PRKDC: variants seen among roughly 807,000 people sequenced by gnomAD.
PRKDC encodes DNA-dependent protein kinase catalytic subunit.
In PRKDC, 82 loss-of-function variants were observed where a neutral mutation model predicts 486.9. The ratio of observed to expected loss-of-function variants is 0.17; its 90% CI spans 0.14 to 0.20. The LOEUF (loss-of-function observed/expected upper bound fraction) is 0.20, where lower values mean the gene tolerates loss of function less well. Ranked by LOEUF, PRKDC falls within the 10% of genes least tolerant of loss-of-function variation. The pLI is 1.00. For synonymous variants in PRKDC, 1,895 were observed against 1,837.0 expected (o/e 1.03, Z -0.81); for missense variants, 4,504 against 5,038.2 (o/e 0.89, Z 3.21).
chr8:47,805,434 G>A (rs1446195383), intron 69 of PRKDC, among the ~76,000 whole-genome samples: 1 of 152,160 alleles, frequency 6.6e-6, no homozygotes, highest in African/African-American at 2.4e-5. Flanking sequence ...ATCTTCTTTG[G>A]ATAAATGTCT....
At chr8:47,832,518 G>T (rs2087909800) in intron 59 of PRKDC, among the ~76,000 whole-genome samples, 1 of 152,202 alleles carries the variant, frequency 6.6e-6, no homozygotes, top group Admixed American at 6.5e-5. Flanking sequence ...AAAGAGAAGA[G>T]TAGGAACTGA....
intron 1 of PRKDC, 122 bp downstream of exon 1, chr8:47,959,851 G>C (rs903353038): frequency 1.4e-6 from 2 of 1,432,740 alleles, no homozygotes; most frequent in African/African-American, 1.4e-5. Flanking sequence ...ATTCCCCCAA[G>C]AATCTAATTG....
chr8:47,825,761 G>A lies in PRKDC; in HGVS notation c.8783+895C>T, dbSNP rs150774652. On this transcript the variant is annotated intron_variant, in intron 63 of 85. Coordinates refer to ENST00000314191, the MANE Select transcript of PRKDC (RefSeq NM_006904.7). ...CACATCTGAAGCAACAGGAGAAAAC[G>A]GTTCCTAGGTAAAATCAGCATAGCT... Among the ~76,000 whole-genome samples the A allele has an allele frequency of 3.0e-3, 455 of 152,212 alleles. 2 individuals carry two copies. Among genetic ancestry groups the A allele is most frequent in the African/African-American group, 0.01 (428 of 41,540 alleles).
intron 29 of PRKDC, 42 bp downstream of exon 29, chr8:47,898,428 T>A (rs775413036): frequency 6.8e-7 from 1 of 1,461,140 alleles, no homozygotes; most frequent in African/African-American, 1.4e-5. Flanking sequence ...GAATTAGTTT[T>A]ATGTTGTGGG....
intron 11 of PRKDC, among the ~76,000 whole-genome samples, chr8:47,938,081 TC>T (rs1392824841): frequency 6.6e-6 from 1 of 151,912 alleles, no homozygotes; most frequent in African/African-American, 2.4e-5. Flanking sequence ...ACCACTACAC[TC>T]CAGCCTGAGA....
chr8:47,857,395 C>G, intron 48 of PRKDC, 96 bp from the exon 49 acceptor site: 2 of 1,364,968 alleles, frequency 1.5e-6, no homozygotes, highest in South Asian at 1.6e-5. Context: ...AAATTTTATA[C>G]TATGACTGGA....
chr8:47,887,199 C>A (rs1419296731), intron 35 of PRKDC, among the ~76,000 whole-genome samples: 2 of 152,138 alleles, frequency 1.3e-5, no homozygotes, highest in East Asian at 3.9e-4. Context: ...GATTATCCTT[C>A]AGAGGCCCTC....
intron 54 of PRKDC, among the ~76,000 whole-genome samples, chr8:47,846,499 T>G (rs1327580544): frequency 1.3e-5 from 2 of 151,518 alleles, no homozygotes; most frequent in Non-Finnish European, 2.9e-5. Context: ...CAAAGGAATA[T>G]TCCTCAAAAT....
At chr8:47,843,692 G>A (rs2088203267) in intron 54 of PRKDC, among the ~76,000 whole-genome samples, 1 of 152,140 alleles carries the variant, frequency 6.6e-6, no homozygotes, top group South Asian at 2.1e-4. Flanking sequence ...GGCTACCAGC[G>A]GGCCTCTCAG....
chr8:47,897,057 C>G, intron 30 of PRKDC, 104 bp downstream of exon 30: 2 of 1,230,830 alleles, frequency 1.6e-6, no homozygotes, highest in Non-Finnish European at 2.2e-6. Context: ...TAACTGAATA[C>G]CATGTTAACT....
chr8:47,794,236 A>G, intron 74 of PRKDC, 54 bp downstream of exon 74: 1 of 1,458,838 alleles, frequency 6.9e-7, no homozygotes, highest in Non-Finnish European at 9.4e-7. Flanking sequence ...CTTTAACCAC[A>G]TTTTTATAAC....
chr8:47,821,587 A>C lies in PRKDC; in HGVS notation c.9111+17T>G, dbSNP rs1475224680. 11 of 1,569,196 alleles carry C rather than the reference A, an allele frequency of 7.0e-6. No individual in the cohort carries two copies. Among genetic ancestry groups the C allele is most frequent in the African/African-American group, 1.4e-5 (1 of 73,740 alleles). ...TCTAAAATAATTATTTCAATCACTT[A>C]AAATAATTTTACCCACCTGATAAAA... On this transcript the variant is annotated intron_variant, in intron 65 of 85. Transcript: ENST00000314191.
intron 25 of PRKDC, among the ~76,000 whole-genome samples, chr8:47,909,751 C>A (rs574092325): frequency 6.6e-6 from 1 of 152,196 alleles, no homozygotes. Context: ...CTGGGAGTGT[C>A]TGTCTTATGC....
In PRKDC at chr8:47,782,551, A is replaced by T; in HGVS notation, c.11223T>A (p.Arg3741=). ...AAGGGTGTTCCCTCTCGTCATGGCCACGGATGATGATGCGCTTGGGCCTTC... is the reference window on the plus strand; with the variant it reads ...AAGGGTGTTCCCTCTCGTCATGGCCTCGGATGATGATGCGCTTGGGCCTTC... ...SLRRPKRIII[R]GHDEREHPFL... Residue 3741 remains arginine, a synonymous_variant, in exon 79 of 86, where the codon CGT becomes CGA. Transcript: ENST00000314191. This position sits in a 1 kb window ranked among gnomAD's most constrained non-coding sequence, Gnocchi z 4.9. 1 of 1,573,010 alleles carries T rather than the reference A, an allele frequency of 6.4e-7. No homozygotes were observed. Among genetic ancestry groups the T allele is most frequent in the East Asian group, 2.3e-5 (1 of 42,660 alleles).
chr8:47,958,888 A>C (rs1328222970), intron 1 of PRKDC, among the ~76,000 whole-genome samples: 1 of 152,086 alleles, frequency 6.6e-6, no homozygotes, highest in East Asian at 1.9e-4. Context: ...GGCGCTCGCC[A>C]CCATGCCCAG....
At chr8:47,821,275 T>C (rs2087589098) in intron 65 of PRKDC, among the ~76,000 whole-genome samples, 1 of 152,174 alleles carries the variant, frequency 6.6e-6, no homozygotes, top group Non-Finnish European at 1.5e-5. Flanking sequence ...GAGAGCCTCT[T>C]GTCACAGGAG....
intron 54 of PRKDC, among the ~76,000 whole-genome samples, chr8:47,847,635 T>G (rs948586472): frequency 3.3e-5 from 5 of 152,046 alleles, no homozygotes; most frequent in African/African-American, 1.2e-4. Flanking sequence ...AAACAAAAAT[T>G]GACCAGCAGG....
chr8:47,785,828 A>G (rs2086781725), intron 76 of PRKDC, among the ~76,000 whole-genome samples: 1 of 151,764 alleles, frequency 6.6e-6, no homozygotes, highest in Non-Finnish European at 1.5e-5. Context: ...TTCCATTATA[A>G]GTGACACGGT....
chr8:47,954,611 T>G (rs746475993), intron 4 of PRKDC, among the ~76,000 whole-genome samples, 165 bp from the exon 5 acceptor site: 3 of 152,172 alleles, frequency 2.0e-5, no homozygotes, highest in Non-Finnish European at 4.4e-5. Flanking sequence ...GGATTTACAC[T>G]TGGTCTCACA....
Sources: allele counts gnomAD v4.1 joint callset (sites outside exome capture counted in the v4.1 genomes callset), GRCh38; gene constraint gnomAD v4.1.1; non-coding constraint Gnocchi (gnomAD v3.1); transcripts MANE v1.5; gene names NCBI Gene and HGNC (gene_info 2026-07-23, HGNC 2026-07-21).